The following MAGIX variants were observed in gnomAD, a reference collection of about 807,000 sequenced individuals.
MAGIX encodes the protein MAGI family member, X-linked, also known as PDZ domain-containing protein MAGIX.
Under a neutral mutation model 10.0 loss-of-function variants are expected in MAGIX, and 13 were observed. That is an observed-to-expected ratio of 1.30 (90% CI 0.84 to 2.06). The LOEUF (loss-of-function observed/expected upper bound fraction) is 2.06. Ranked by LOEUF, MAGIX falls within the 30% of genes most tolerant of loss-of-function variation. The pLI is 0.00. For missense variants in MAGIX, 235 were observed against 245.2 expected (o/e 0.96, Z 0.28); for synonymous variants, 108 against 106.8 (o/e 1.01, Z -0.07).
chrX:49,166,254 G>A (rs868907721), exon 5 of MAGIX: 5 of 1,199,988 alleles, frequency 4.2e-6, no homozygotes. Flanking sequence ...CCTCCTGAGC[G>A]CCGCGCTGAG....
exon 5 of MAGIX, chrX:49,167,701 C>G: frequency 9.0e-6 from 1 of 111,440 alleles, no homozygotes; most frequent in East Asian, 2.8e-4. Flanking sequence ...CCAGCTACCC[C>G]TGACTTAGAG....
rs782192747 is a variant in MAGIX at position 49,163,803 on chromosome X, G to C, written c.-181G>C. The C allele has an allele frequency of 2.1e-5, 22 of 1,048,550 alleles. No homozygotes were observed. In the South Asian group the frequency reaches 4.0e-4, roughly 19 times the overall value. The allele number at this position is 1,048,550 out of a possible 1,213,427, so 86.4% of individuals were successfully genotyped here. On this transcript the variant is annotated 5_prime_UTR_variant, in exon 2 of 5. Transcript: ENST00000616266. ...CGCAGGCCGCGGCCCCTCCCCGCTCGCGGGCCCTAGCGCCCGGCAGCTCCT... is the reference window on the plus strand; with the variant it reads ...CGCAGGCCGCGGCCCCTCCCCGCTCCCGGGCCCTAGCGCCCGGCAGCTCCT...
chrX:49,163,795 C>A, exon 2 of MAGIX: 1 of 1,050,289 alleles, frequency 9.5e-7, no homozygotes, highest in Admixed American at 4.6e-5. Flanking sequence ...CGCGGCCCCT[C>A]CCCGCTCGCG....
chrX:49,162,751 T>C lies in MAGIX; in HGVS notation c.-202+6T>C, dbSNP rs1557096452. Reference sequence around the variant, plus strand: ...GCCTCCTTGCTGGCCGCCAGGTAGGTCACCGCGCGGGTCCGGGAGCCAGGC... The same window carrying C: ...GCCTCCTTGCTGGCCGCCAGGTAGGCCACCGCGCGGGTCCGGGAGCCAGGC... On this transcript the variant is annotated splice_donor_region_variant and intron_variant, in intron 1 of 4. Coordinates refer to ENST00000616266, the Ensembl canonical transcript of MAGIX. 2.9e-6 allele frequency: 1 copy of C among 340,339 alleles called. No homozygotes were observed. The highest frequency in any genetic ancestry group is 5.1e-6 in the Non-Finnish European group (1 of 194,722). The allele number at this position is 340,339 out of a possible 1,213,427, so 28.0% of individuals were successfully genotyped here.
At chrX:49,166,402 C>T (rs1557098187) in exon 5 of MAGIX, 1 of 1,116,743 alleles carries the variant, frequency 9.0e-7, no homozygotes, top group African/African-American at 1.8e-5. Flanking sequence ...GACACTGAGC[C>T]TACCTCTGAC....
At chrX:49,163,956 T>C in intron 2 of MAGIX, 27 bp downstream of exon 2, 1 of 999,200 alleles carries the variant, frequency 1.0e-6, no homozygotes, top group Non-Finnish European at 1.3e-6. Flanking sequence ...GGGCCTCCGC[T>C]GGGGGAGGGT....
chrX:49,164,375 G>A (rs1557097060), intron 2 of MAGIX: 13 of 361,466 alleles, frequency 3.6e-5, no homozygotes, highest in Non-Finnish European at 2.4e-5. Flanking sequence ...GCCAAATTTT[G>A]GAGTAGCATT....
chrX:49,166,785 G>T (rs913614382), exon 5 of MAGIX: 40 of 149,992 alleles, frequency 2.7e-4, no homozygotes, highest in African/African-American at 1.2e-3. Context: ...CCGGTCCTCA[G>T]TCTGGCGTGC....
chrX:49,167,839 C>T (rs1281616361), exon 5 of MAGIX: 1 of 112,221 alleles, frequency 8.9e-6, no homozygotes, highest in Non-Finnish European at 1.9e-5. Flanking sequence ...ATCCCTGCTA[C>T]TGGCTTTATT....
intron 4 of MAGIX, chrX:49,165,672 C>A (rs1385559996): frequency 9.4e-6 from 3 of 320,654 alleles, no homozygotes; most frequent in Non-Finnish European, 1.6e-5. Context: ...GGTCTTAGTT[C>A]TCAGAGGCGA....
At chrX:49,168,532 G>A (rs1458580738), downstream of MAGIX, 10 of 103,583 alleles carry the variant, frequency 9.7e-5, no homozygotes, top group African/African-American at 3.2e-4. Context: ...TGTAATCCCA[G>A]TACTTTGGGA....
exon 5 of MAGIX, chrX:49,166,510 C>G (rs1414471356): frequency 1.6e-6 from 1 of 632,806 alleles, no homozygotes; most frequent in African/African-American, 2.3e-5. Context: ...GTTTGGTCCC[C>G]CCACCCGCTG....
chrX:49,165,380 A>G lies in MAGIX; in HGVS notation c.502+19A>G. 8.9e-7 allele frequency: 1 copy of G among 1,128,307 alleles called. No individual in the cohort carries two copies. The highest frequency in any genetic ancestry group is 1.2e-6 in the Non-Finnish European group (1 of 849,706). 93.0% of individuals were successfully genotyped at this position (1,128,307 alleles called of 1,213,427 possible). ...GGAGTTGGTGGGTTTCCCAAGGGAG[A>G]GAAGTCAGAGATCAGTGAGGAGAAG... On this transcript the variant is annotated intron_variant, in intron 4 of 4. Transcript: ENST00000616266.
At chrX:49,165,056 A>G in exon 3 of MAGIX, 1 of 1,209,089 alleles carries the variant, frequency 8.3e-7, no homozygotes. Context: ...GGGCTGCTGA[A>G]GGATGGCCCA....
At chrX:49,164,971 C>T (rs1557097308) in exon 3 of MAGIX, 1 of 1,211,950 alleles carries the variant, frequency 8.3e-7, no homozygotes, top group African/African-American at 1.7e-5. Flanking sequence ...GGAGCTGGTT[C>T]GCGGTTACGC....
chrX:49,163,810 C>T, exon 2 of MAGIX: 1 of 1,052,090 alleles, frequency 9.5e-7, no homozygotes, highest in Non-Finnish European at 1.2e-6. Flanking sequence ...CTCGCGGGCC[C>T]TAGCGCCCGG....
chrX:49,163,981 G>A (rs1211684583), intron 2 of MAGIX, 52 bp downstream of exon 2: 12 of 979,441 alleles, frequency 1.2e-5, no homozygotes, highest in Non-Finnish European at 1.3e-5. Flanking sequence ...AGAGGAGTTG[G>A]GTTCAGTGGG....
At chrX:49,164,073 T>C in intron 2 of MAGIX, 144 bp downstream of exon 2, 2 of 520,158 alleles carry the variant, frequency 3.8e-6, no homozygotes, top group Non-Finnish European at 5.5e-6. Context: ...CGGAGGGTGC[T>C]TCGAGTGGGA....
chrX:49,166,082 T>C (rs1557097816), exon 5 of MAGIX: 2 of 1,210,853 alleles, frequency 1.7e-6, no homozygotes, highest in Non-Finnish European at 1.1e-6. Flanking sequence ...AGTCCCGTCA[T>C]GGCCAGATCG....
Sources: allele counts gnomAD v4.1 joint callset, GRCh38; gene constraint gnomAD v4.1.1; transcripts MANE v1.5; gene names NCBI Gene and HGNC (gene_info 2026-07-23, HGNC 2026-07-21).